KIAA0319L: variants seen among roughly 807,000 people sequenced by gnomAD.
The protein encoded by KIAA0319L is KIAA0319 like.
KIAA0319L carries 55 observed loss-of-function variants against 120.1 expected under a neutral mutation model. The observed-to-expected ratio is 0.46, with a 90% CI of 0.37 to 0.57. KIAA0319L has a LOEUF of 0.57. Among genes scored for constraint, KIAA0319L ranks in the 20% least tolerant of loss-of-function variants. The pLI is 0.00. For missense variants in KIAA0319L, 1,049 were observed against 1,255.3 expected, an observed-to-expected ratio of 0.84 and a Z score of 2.48; for synonymous variants, 398 against 471.9, an observed-to-expected ratio of 0.84 and a Z score of 2.03.
At chr1:35,494,067 A>G (rs1330705282) in intron 3 of KIAA0319L, among the ~76,000 whole-genome samples, 1 of 152,200 alleles carries the variant, frequency 6.6e-6, no homozygotes, top group Non-Finnish European at 1.5e-5. Context: ...GAAACTGACA[A>G]GATAATTCTA....
In KIAA0319L at chr1:35,434,971, G is replaced by A. The variant is rs770436309; in HGVS notation, c.3073C>T (p.Leu1025=). The A allele has an allele frequency of 9.3e-6, 15 of 1,614,092 alleles. No homozygotes were observed. Among genetic ancestry groups the A allele is most frequent in the South Asian group, 3.3e-5 (3 of 91,092 alleles). ...GGTACAGAGCCATTCTGACCATGCA[G>A]GAGTTTGCCCTTCTCTCGGTCTGGC... ...TWPDREKGKL[L]HGQNGSVPNG... Residue 1025 remains leucine, a synonymous_variant, in exon 21 of 21, where the codon CTG becomes TTG. Transcript: ENST00000325722.
chr1:35,496,345 A>G (rs1644805910), intron 3 of KIAA0319L, among the ~76,000 whole-genome samples: 1 of 152,172 alleles, frequency 6.6e-6, no homozygotes, highest in Non-Finnish European at 1.5e-5. Flanking sequence ...TCTTAAACCC[A>G]GGAAGCGGAA....
At chr1:35,472,817 C>T (rs1351528348) in intron 5 of KIAA0319L, among the ~76,000 whole-genome samples, 2 of 146,282 alleles carry the variant, frequency 1.4e-5, no homozygotes, top group African/African-American at 2.5e-5. Flanking sequence ...GAGATGGAGT[C>T]TCTCTCTGCC....
At chr1:35,517,652 T>C (rs556632449) in intron 2 of KIAA0319L, among the ~76,000 whole-genome samples, 6 of 152,074 alleles carry the variant, frequency 3.9e-5, no homozygotes, top group Admixed American at 2.0e-4. Context: ...CCTAGGAACA[T>C]AGAAACAGAC....
At chr1:35,443,673 AAAAT>A (rs750954696) in intron 17 of KIAA0319L, among the ~76,000 whole-genome samples, 6,967 of 151,092 alleles carry the variant, frequency 0.046, 200 homozygotes, top group Non-Finnish European at 0.06. Flanking sequence ...ACTCTATCTC[AAAAT>A]AAATAAATAA....
At chr1:35,551,710 CAT>C (rs576916190) in intron 2 of KIAA0319L, among the ~76,000 whole-genome samples, 7 of 152,122 alleles carry the variant, frequency 4.6e-5, no homozygotes, top group Non-Finnish European at 1.0e-4. Flanking sequence ...ATGTCTGTCA[CAT>C]GTTGCTTGCA....
intron 2 of KIAA0319L, among the ~76,000 whole-genome samples, chr1:35,512,591 A>T (rs1558542043): frequency 6.6e-6 from 1 of 152,052 alleles, no homozygotes; most frequent in Non-Finnish European, 1.5e-5. Context: ...AGAAGGGACC[A>T]GGTGCAGTGG....
chr1:35,501,150 T>A (rs1030704827), intron 3 of KIAA0319L, among the ~76,000 whole-genome samples: 3 of 152,208 alleles, frequency 2.0e-5, no homozygotes, highest in African/African-American at 7.2e-5. Context: ...TTCTTGCCAC[T>A]GCCCACTAAT....
chr1:35,501,997 G>A (rs868339227), intron 3 of KIAA0319L, among the ~76,000 whole-genome samples: 3 of 151,484 alleles, frequency 2.0e-5, no homozygotes, highest in South Asian at 4.2e-4. Context: ...AAACAGGAAC[G>A]GGCAGGCACA....
chr1:35,475,056 T>C (rs552574398), intron 4 of KIAA0319L, 150 bp from the exon 5 acceptor site: 3 of 559,320 alleles, frequency 5.4e-6, no homozygotes, highest in Non-Finnish European at 9.3e-6. Flanking sequence ...TGCTTGAAAT[T>C]TGATTCTGTC....
intron 11 of KIAA0319L, among the ~76,000 whole-genome samples, chr1:35,454,011 G>A (rs1317813416): frequency 6.6e-6 from 1 of 152,164 alleles, no homozygotes; most frequent in Non-Finnish European, 1.5e-5. Context: ...TTTTAAGCAG[G>A]CCCTTCAAGG....
At chr1:35,491,273 C>T (rs984754928) in intron 3 of KIAA0319L, among the ~76,000 whole-genome samples, 2 of 152,030 alleles carry the variant, frequency 1.3e-5, no homozygotes, top group African/African-American at 4.8e-5. Context: ...GGGAGAGGGA[C>T]AGAAAAATAT....
In KIAA0319L at chr1:35,527,042, G is replaced by T. The variant is rs145552191; in HGVS notation, c.143-19907C>A. 7.2e-5 allele frequency among the ~76,000 whole-genome samples: 11 copies of T among 152,274 alleles called. No individual in the cohort carries two copies. In the East Asian group the frequency reaches 1.9e-3, roughly 27 times the overall value. On this transcript the variant is annotated intron_variant, in intron 2 of 20. Coordinates refer to ENST00000325722, the MANE Select transcript of KIAA0319L (RefSeq NM_024874.5). The stretch of plus-strand genomic sequence containing the variant: ...GTTCCTTCTATGCCTAACTTGTTGG[G>T]CATTTTTATCATGAAGGGATACTGA...
intron 14 of KIAA0319L, 109 bp from the exon 15 acceptor site, chr1:35,450,114 AC>A: frequency 7.4e-7 from 1 of 1,356,274 alleles, no homozygotes; most frequent in South Asian, 1.3e-5. Flanking sequence ...AACTGTTTCA[AC>A]CTTGGGCAGT....
At chr1:35,454,661 T>G (rs1642313934) in intron 10 of KIAA0319L, 176 bp from the exon 11 acceptor site, 6 of 1,391,118 alleles carry the variant, frequency 4.3e-6, no homozygotes, top group Non-Finnish European at 4.7e-6. Context: ...TGAGGCACCT[T>G]GCTAAGGGTT....
rs1642977625 is a variant in KIAA0319L at position 35,462,647 on chromosome 1, G to A, written c.1268C>T (p.Thr423Ile). 6.2e-7 allele frequency: 1 copy of A among 1,613,688 alleles called. No individual in the cohort carries two copies. Among genetic ancestry groups the A allele is most frequent in the Non-Finnish European group, 8.5e-7 (1 of 1,179,702 alleles). Residue 423 changes from threonine to isoleucine, a missense_variant, in exon 8 of 21, where the codon ACC becomes ATC. Coordinates refer to ENST00000325722, the MANE Select transcript of KIAA0319L (RefSeq NM_024874.5). ...SPQFQEISLP[T>I]TSTVIDGSQS... ...ACTGCCATCAATGACTGTAGAAGTG[G>A]TTGGCAAAGAGATCTCCTGGAACTG...
intron 3 of KIAA0319L, among the ~76,000 whole-genome samples, chr1:35,482,236 A>T (rs1644202867): frequency 6.6e-6 from 1 of 152,146 alleles, no homozygotes. Flanking sequence ...CAGAAAAATT[A>T]TTTTGTATGA....
At chr1:35,460,878 A>T (rs963400715) in intron 8 of KIAA0319L, among the ~76,000 whole-genome samples, 1 of 152,212 alleles carries the variant, frequency 6.6e-6, no homozygotes, top group African/African-American at 2.4e-5. Context: ...TATAAGCATA[A>T]ACTGACACAA....
intron 16 of KIAA0319L, among the ~76,000 whole-genome samples, chr1:35,445,594 C>T (rs539848021): frequency 6.6e-6 from 1 of 152,194 alleles, no homozygotes; most frequent in Non-Finnish European, 1.5e-5. Context: ...ACTATACAAA[C>T]ATTAACTTAT....
Sources: allele counts gnomAD v4.1 joint callset (sites outside exome capture counted in the v4.1 genomes callset), GRCh38; gene constraint gnomAD v4.1.1; transcripts MANE v1.5; gene names NCBI Gene and HGNC (gene_info 2026-07-23, HGNC 2026-07-21).